XRCC6: variants seen among roughly 807,000 people sequenced by gnomAD.
XRCC6 encodes X-ray repair cross complementing 6.
Under a neutral mutation model 65.7 loss-of-function variants are expected in XRCC6, and 5 were observed. That is an observed-to-expected ratio of 0.08 (90% confidence interval 0.04 to 0.16). XRCC6 has a LOEUF of 0.16. Among genes scored for constraint, XRCC6 ranks in the 10% least tolerant of loss-of-function variants. XRCC6 has a pLI of 1.00. For missense variants in XRCC6, 447 were observed against 738.1 expected, an observed-to-expected ratio of 0.61 and a Z score of 4.57; for synonymous variants, 270 against 270.6, an observed-to-expected ratio of 1.00 and a Z score of 0.02.
At chr22:41,639,705 C>T (rs186684375) in intron 6 of XRCC6, among the ~76,000 whole-genome samples, 80 of 102,162 alleles carry the variant, frequency 7.8e-4, no homozygotes, top group Admixed American at 4.5e-3. Context: ...CTCTTTTGGC[C>T]GGGCTGGAGT....
In XRCC6 at chr22:41,646,938, C is replaced by T. The variant is rs372916990; in HGVS notation, c.816C>T (p.Gly272=). 39 of 1,613,866 alleles carry T rather than the reference C, an allele frequency of 2.4e-5. No individual in the cohort carries two copies. The East Asian group carries it at 8.0e-4, about 33-fold the overall frequency. The part of the protein sequence containing the change: ...KLNKDIVISV[G]IYNLVQKALK... ...ACAAAGATATAGTGATCTCTGTGGG[C>T]ATTTATAATCTGGTCCAGAAGGCTC... Residue 272 remains glycine (G), a synonymous_variant, in exon 7 of 13, where the codon GGC becomes GGT. Coordinates refer to ENST00000360079, the MANE Select transcript of XRCC6 (RefSeq NM_001469.5).
In XRCC6 at chr22:41,649,050, C is replaced by T. The variant is rs376107595; in HGVS notation, c.961-1673C>T. ...AGGAGTTTGAGATCAGCCTGGGCAT[C>T]ATAGCGAGACCCTGTCTCTACTAAA... On this transcript the variant is annotated intron_variant, in intron 7 of 12. Transcript: ENST00000360079. Among the ~76,000 whole-genome samples, 59 of 149,098 alleles carry T rather than the reference C, an allele frequency of 4.0e-4. 2 individuals carry two copies. In the South Asian group the frequency reaches 0.012, roughly 29 times the overall value.
intron 2 of XRCC6, among the ~76,000 whole-genome samples, chr22:41,627,609 CAAA>C (rs71184821): frequency 1.0e-5 from 1 of 97,472 alleles, no homozygotes. Context: ...GACTCCGTCT[CAAA>C]AAAAAAAAAA....
At chr22:41,654,759 G>A (rs181900352) in intron 9 of XRCC6, among the ~76,000 whole-genome samples, 1 of 152,336 alleles carries the variant, frequency 6.6e-6, no homozygotes, top group African/African-American at 2.4e-5. Context: ...CCTCCAGGGA[G>A]GAGGCACTGT....
chr22:41,622,431 C>A (rs1400000916), intron 2 of XRCC6, among the ~76,000 whole-genome samples: 1 of 152,172 alleles, frequency 6.6e-6, no homozygotes, highest in Non-Finnish European at 1.5e-5. Flanking sequence ...TGTAAAAATG[C>A]CCCCACCCTG....
chr22:41,663,535 G>C, intron 12 of XRCC6, 87 bp from the exon 13 acceptor site: 1 of 1,465,124 alleles, frequency 6.8e-7, no homozygotes, highest in Non-Finnish European at 9.3e-7. Context: ...TTGCAGCCCA[G>C]ATTATACGAG....
At chr22:41,635,850 A>G (rs930919683) in intron 3 of XRCC6, among the ~76,000 whole-genome samples, 1 of 152,072 alleles carries the variant, frequency 6.6e-6, no homozygotes, top group Admixed American at 6.6e-5. Context: ...TGGCCTGAAT[A>G]TACGTATTGT....
chr22:41,627,936 G>A (rs28741111), intron 2 of XRCC6, among the ~76,000 whole-genome samples, 182 bp from the exon 3 acceptor site: 21,026 of 152,036 alleles, frequency 0.14, 3,997 homozygotes, highest in African/African-American at 0.43. Context: ...GGGAGGGAAT[G>A]TAAGAGGGAT....
chr22:41,629,568 T>C (rs1035969381), intron 3 of XRCC6, among the ~76,000 whole-genome samples: 1 of 152,194 alleles, frequency 6.6e-6, no homozygotes, highest in Non-Finnish European at 1.5e-5. Flanking sequence ...AACTGCTCAA[T>C]GGGTATGGGG....
intron 6 of XRCC6, 93 bp from the exon 7 acceptor site, chr22:41,646,803 G>T: frequency 9.2e-7 from 1 of 1,087,794 alleles, no homozygotes; most frequent in Non-Finnish European, 1.3e-6. Context: ...TTATTGGAGA[G>T]AATAAAACAG....
At chr22:41,626,257 C>T (rs1473797207) in intron 2 of XRCC6, among the ~76,000 whole-genome samples, 1 of 151,640 alleles carries the variant, frequency 6.6e-6, no homozygotes, top group Non-Finnish European at 1.5e-5. Flanking sequence ...ATTCTCCCAC[C>T]TCAGCCTCCA....
At chr22:41,658,477 T>C in intron 11 of XRCC6, 125 bp downstream of exon 11, 1 of 885,116 alleles carries the variant, frequency 1.1e-6, no homozygotes, top group South Asian at 1.6e-5. Context: ...CCAGACCCCC[T>C]CTGTTTGGAA....
intron 3 of XRCC6, among the ~76,000 whole-genome samples, chr22:41,635,554 T>C (rs1402435927): frequency 6.6e-6 from 1 of 152,196 alleles, no homozygotes; most frequent in Non-Finnish European, 1.5e-5. Context: ...TTTTCCTTTT[T>C]TCTTGAGATA....
At chr22:41,624,269 T>C (rs1007584124) in intron 2 of XRCC6, among the ~76,000 whole-genome samples, 4 of 152,086 alleles carry the variant, frequency 2.6e-5, no homozygotes, top group African/African-American at 9.7e-5. Context: ...GCACTTGTAG[T>C]CTCAGCTGCT....
At chr22:41,654,741 G>GT (rs1341135847) in intron 9 of XRCC6, among the ~76,000 whole-genome samples, 1 of 152,196 alleles carries the variant, frequency 6.6e-6, no homozygotes, top group Non-Finnish European at 1.5e-5. Context: ...ATGGAGCTGG[G>GT]ACTTAGCCCT....
chr22:41,663,597 ACT>A, intron 12 of XRCC6, 23 bp from the exon 13 acceptor site: 1 of 1,592,218 alleles, frequency 6.3e-7, no homozygotes, highest in Non-Finnish European at 8.6e-7. Context: ...ATTTCCAGTC[ACT>A]CTCTCCTGAC....
chr22:41,647,398 A>G (rs758388613), intron 7 of XRCC6, among the ~76,000 whole-genome samples: 7 of 152,116 alleles, frequency 4.6e-5, no homozygotes, highest in Non-Finnish European at 8.8e-5. Flanking sequence ...CCTGACCAAC[A>G]TGGAGAAACC....
intron 3 of XRCC6, among the ~76,000 whole-genome samples, chr22:41,634,581 G>C (rs1410130231): frequency 6.9e-6 from 1 of 145,266 alleles, no homozygotes; most frequent in African/African-American, 2.6e-5. Context: ...GTCTCGCTCT[G>C]TTGCCCAGGC....
intron 12 of XRCC6, among the ~76,000 whole-genome samples, chr22:41,662,463 C>G (rs1243838925): frequency 1.3e-5 from 2 of 152,142 alleles, no homozygotes; most frequent in African/African-American, 4.8e-5. Context: ...ACATTGTTTT[C>G]TAGTTTGCTA....
Sources: allele counts gnomAD v4.1 joint callset (sites outside exome capture counted in the v4.1 genomes callset), GRCh38; gene constraint gnomAD v4.1.1; transcripts MANE v1.5; gene names NCBI Gene and HGNC (gene_info 2026-07-23, HGNC 2026-07-21).